The following SLIT1 variants were observed in gnomAD, a reference collection of about 807,000 sequenced individuals.
The protein encoded by SLIT1 is slit guidance ligand 1.
SLIT1 carries 66 observed loss-of-function variants against 186.1 expected under a neutral mutation model. The observed-to-expected ratio is 0.35, with a 90% confidence interval of 0.29 to 0.44. SLIT1 has a LOEUF of 0.44. Ranked by LOEUF, SLIT1 falls within the 20% of genes least tolerant of loss-of-function variation. The probability of loss-of-function intolerance (pLI) is 1.00; values close to 1 mark genes in which losing one functional copy is unlikely to be tolerated. For missense variants in SLIT1, 1,638 were observed against 2,037.4 expected (o/e 0.80, Z 3.77); for synonymous variants, 761 against 833.8 (o/e 0.91, Z 1.50).
chr10:97,126,079 G>A (rs1294001694), intron 4 of SLIT1, among the ~76,000 whole-genome samples: 1 of 152,194 alleles, frequency 6.6e-6, no homozygotes, highest in Non-Finnish European at 1.5e-5. Flanking sequence ...AGGGGACGTC[G>A]AGATCTGGAA....
At chr10:97,032,531 T>C (rs1848600502) in intron 23 of SLIT1, among the ~76,000 whole-genome samples, 1 of 150,000 alleles carries the variant, frequency 6.7e-6, no homozygotes, top group East Asian at 2.0e-4. Context: ...ATCGCGCCAC[T>C]GCACTCCAGC....
intron 22 of SLIT1, among the ~76,000 whole-genome samples, chr10:97,035,723 C>A (rs1848632934): frequency 6.6e-6 from 1 of 152,230 alleles, no homozygotes; most frequent in Non-Finnish European, 1.5e-5. Context: ...GGCCCTCTAG[C>A]TGGCCACCTG....
rs201788860 is a variant in SLIT1 at position 97,001,390 on chromosome 10, C to T, written c.4367-40G>A. The T allele has an allele frequency of 2.7e-5, 41 of 1,512,792 alleles. No individual in the cohort carries two copies. The South Asian group carries it at 4.4e-4, about 16-fold the overall frequency. The allele number at this position is 1,512,792 out of a possible 1,614,324, so 93.7% of individuals were successfully genotyped here. The stretch of plus-strand genomic sequence containing the variant: ...CACCAAGAGAAAGCCTCAGGGCACA[C>T]CCATGGGTGAGCTGCTGCCTCCAGG... On this transcript the variant is annotated intron_variant, in intron 36 of 36. Transcript: ENST00000266058.
At chr10:97,091,064 A>T (rs1056152429) in intron 4 of SLIT1, among the ~76,000 whole-genome samples, 1 of 152,258 alleles carries the variant, frequency 6.6e-6, no homozygotes, top group Non-Finnish European at 1.5e-5. Context: ...CTGAGAAGAT[A>T]GCTACTCTGT....
intron 36 of SLIT1, among the ~76,000 whole-genome samples, chr10:97,001,688 G>T (rs1248717132): frequency 5.9e-5 from 9 of 152,116 alleles, no homozygotes; most frequent in Admixed American, 5.9e-4. Flanking sequence ...GGAGGGGATA[G>T]CCTAGGGGAC....
chr10:97,029,673 A>G (rs1159944141), intron 25 of SLIT1, among the ~76,000 whole-genome samples: 1 of 152,226 alleles, frequency 6.6e-6, no homozygotes, highest in African/African-American at 2.4e-5. Flanking sequence ...TTTTAAGTGT[A>G]CAATTCAGTC....
intron 4 of SLIT1, among the ~76,000 whole-genome samples, chr10:97,099,205 C>T (rs1160202146): frequency 6.6e-6 from 1 of 151,654 alleles, no homozygotes; most frequent in South Asian, 2.1e-4. Context: ...TGAGACAGGA[C>T]GAAGAGAGGG....
intron 4 of SLIT1, among the ~76,000 whole-genome samples, chr10:97,144,197 C>A (rs1243937790): frequency 7.0e-6 from 1 of 143,556 alleles, no homozygotes; most frequent in South Asian, 2.2e-4. Context: ...GACTCCATCT[C>A]AAAAAAAAAA....
At chr10:97,037,449 T>C (rs534755337) in intron 22 of SLIT1, among the ~76,000 whole-genome samples, 1 of 151,970 alleles carries the variant, frequency 6.6e-6, no homozygotes, top group East Asian at 1.9e-4. Flanking sequence ...CGGGGGAGCT[T>C]TGGGGAGACG....
rs1231792937 is a variant in SLIT1 at position 97,056,395 on chromosome 10, C to T, written c.1227G>A (p.Leu409=). The change falls in exon 13 of 37, where the codon CTG becomes CTA. Residue 409 remains leucine, a synonymous_variant. Transcript: ENST00000266058. ...GGATCTTGTTGTCATACAGGGAGAG[C>T]AGTGAGAGGTTCTGCAGGTCCTGGA... ...DAFQDLQNLS[L]LSLYDNKIQS... The T allele has an allele frequency of 6.2e-7, 1 of 1,614,020 alleles. No individual in the cohort carries two copies. The highest frequency in any genetic ancestry group is 8.5e-7 in the Non-Finnish European group (1 of 1,180,008).
At chr10:97,037,116 C>T (rs916522082) in intron 22 of SLIT1, among the ~76,000 whole-genome samples, 14 of 124,040 alleles carry the variant, frequency 1.1e-4, no homozygotes, top group Non-Finnish European at 1.9e-4. Context: ...GTGTGTGTGA[C>T]GGAGTTTTGC....
At chr10:97,049,263 A>G (rs915727128) in intron 13 of SLIT1, 145 bp from the exon 14 acceptor site, 20 of 933,484 alleles carry the variant, frequency 2.1e-5, no homozygotes, top group Middle Eastern at 6.5e-4. Context: ...GGAAAGAGAG[A>G]GTGGGGTGAA....
Position 97,184,914 on chromosome 10 carries a change from C to G in SLIT1, c.197+564G>C, listed in dbSNP as rs563753356. 9.9e-5 allele frequency among the ~76,000 whole-genome samples: 15 copies of G among 152,200 alleles called. No individual in the cohort carries two copies. In the East Asian group the frequency reaches 2.9e-3, roughly 29 times the overall value. ...TGGAGGGAGGCGGGTGAGTAGGGGA[C>G]CAACGCGTGGCACCTGCAGGGGAAG... is the stretch of plus-strand genomic sequence containing the variant. On this transcript the variant is annotated intron_variant, in intron 1 of 36. Coordinates refer to ENST00000266058, the MANE Select transcript of SLIT1 (RefSeq NM_003061.3). The surrounding 1 kb of genome is among the most constrained non-coding windows in gnomAD (Gnocchi z 4.4).
At position 97,034,390 on chromosome 10, in the gene SLIT1, G is replaced by A. The variant is rs891748291; in HGVS notation, c.2438+81C>T. ...GCGTCTGCAGGCGAGGGATCTGGGAGCAAAAAGCACAGGCTGGGGCTAGGG... is the reference window on the plus strand; with the variant it reads ...GCGTCTGCAGGCGAGGGATCTGGGAACAAAAAGCACAGGCTGGGGCTAGGG... On this transcript the variant is annotated intron_variant, in intron 23 of 36. Transcript: ENST00000266058. The A allele has an allele frequency of 8.8e-6, 9 of 1,023,264 alleles. No homozygotes were observed. The South Asian group carries it at 8.9e-5, about 10-fold the overall frequency. 63.4% of individuals were successfully genotyped at this position (1,023,264 alleles called of 1,614,324 possible). A position where few individuals can be genotyped will look rare whatever the true frequency, so the allele number is the denominator to read the frequency against.
chr10:97,173,090 T>A lies in SLIT1; in HGVS notation c.198-8200A>T, dbSNP rs185214611. 7.2e-5 allele frequency among the ~76,000 whole-genome samples: 11 copies of A among 152,230 alleles called. No individual in the cohort carries two copies. The East Asian group carries it at 1.9e-3, about 27-fold the overall frequency. On this transcript the variant is annotated intron_variant, in intron 1 of 36. Coordinates refer to ENST00000266058, the MANE Select transcript of SLIT1 (RefSeq NM_003061.3). ...TCTCTTCCAGGTCCTTCCATTCTCATAAGTGAGCCCAATATGAGCAAGGAA... is the reference window on the plus strand; with the variant it reads ...TCTCTTCCAGGTCCTTCCATTCTCAAAAGTGAGCCCAATATGAGCAAGGAA...
At chr10:97,097,868 A>G (rs1409888717) in intron 4 of SLIT1, among the ~76,000 whole-genome samples, 1 of 152,230 alleles carries the variant, frequency 6.6e-6, no homozygotes, top group Non-Finnish European at 1.5e-5. Context: ...CTTCTCTGCC[A>G]TGCCCTACAA....
intron 13 of SLIT1, 68 bp from the exon 14 acceptor site, chr10:97,049,186 C>G (rs1848765455): frequency 6.5e-7 from 1 of 1,545,624 alleles, no homozygotes; most frequent in Non-Finnish European, 8.7e-7. Flanking sequence ...TCCACCGGGA[C>G]AGGGCCTCGT....
In SLIT1 at chr10:97,022,820, C is replaced by T. The variant is rs186107918; in HGVS notation, c.2583-1407G>A. 8.9e-4 allele frequency among the ~76,000 whole-genome samples: 136 copies of T among 152,316 alleles called. 1 individual carries two copies. In the Middle Eastern group the frequency reaches 0.02, roughly 23 times the overall value. ...AGGCGTGTAGCCTTCCAGGCCTTTCCCACACGTACACACGTGGTTCCTCCT... is the reference window on the plus strand; with the variant it reads ...AGGCGTGTAGCCTTCCAGGCCTTTCTCACACGTACACACGTGGTTCCTCCT... On this transcript the variant is annotated intron_variant, in intron 25 of 36. Transcript: ENST00000266058. The surrounding 1 kb of genome is among the most constrained non-coding windows in gnomAD (Gnocchi z 4.2).
At chr10:97,076,835 G>C (rs936265365) in intron 4 of SLIT1, among the ~76,000 whole-genome samples, 3 of 152,172 alleles carry the variant, frequency 2.0e-5, no homozygotes, top group Admixed American at 6.5e-5. Context: ...GCTCAGGTAG[G>C]GGCCAGGGCC....
Sources: allele counts gnomAD v4.1 joint callset (sites outside exome capture counted in the v4.1 genomes callset), GRCh38; gene constraint gnomAD v4.1.1; non-coding constraint Gnocchi (gnomAD v3.1); transcripts MANE v1.5; gene names NCBI Gene and HGNC (gene_info 2026-07-23, HGNC 2026-07-21).